GAP43: variants seen among roughly 807,000 people sequenced by gnomAD.
GAP43 encodes neuromodulin.
In GAP43, 6 loss-of-function variants were observed where a neutral mutation model predicts 18.6. That is an observed-to-expected ratio of 0.32 (90% CI 0.18 to 0.64). GAP43 has a LOEUF of 0.64. Among genes scored for constraint, GAP43 ranks in the 30% least tolerant of loss-of-function variants. The pLI, the probability that GAP43 is intolerant of heterozygous loss-of-function variation, is 0.78. For missense variants in GAP43, 292 were observed against 295.5 expected (o/e 0.99, Z 0.09); for synonymous variants, 115 against 111.4 (o/e 1.03, Z -0.20).
At chr3:115,693,080 A>C (rs1257510367) in intron 2 of GAP43, among the ~76,000 whole-genome samples, 1 of 152,054 alleles carries the variant, frequency 6.6e-6, no homozygotes, top group Non-Finnish European at 1.5e-5. Context: ...ACAGAATTAC[A>C]CTGGTGCCCT....
chr3:115,714,232 A>G (rs990901973), intron 2 of GAP43, among the ~76,000 whole-genome samples: 1 of 152,216 alleles, frequency 6.6e-6, no homozygotes, highest in African/African-American at 2.4e-5. Context: ...TCCTTGAGCT[A>G]TCATGCATCA....
chr3:115,675,994 C>T lies in GAP43; in HGVS notation c.31-19C>T. ...AATGTCATTGAAGCCCTCTCTTTTCCCTTCTTTTCTCGACAAAGGTTGAAA... is the reference window on the plus strand; with the variant it reads ...AATGTCATTGAAGCCCTCTCTTTTCTCTTCTTTTCTCGACAAAGGTTGAAA... On this transcript the variant is annotated intron_variant, in intron 1 of 2. Transcript: ENST00000305124. The T allele has an allele frequency of 6.3e-7, 1 of 1,578,058 alleles. No homozygotes were observed. Among genetic ancestry groups the T allele is most frequent in the Admixed American group, 1.9e-5 (1 of 53,448 alleles).
In GAP43 at chr3:115,698,089, T is replaced by TA. The variant is rs1194346399; in HGVS notation, c.628+21480dup. Among the ~76,000 whole-genome samples, 98 of 58,714 alleles carry TA rather than the reference T, an allele frequency of 1.7e-3. 1 individual carries two copies. The highest frequency in any genetic ancestry group is 7.2e-3 in the African/African-American group (95 of 13,206). The allele number at this position is 58,714 out of a possible 152,430, so 38.5% of individuals were successfully genotyped here. ...TATTATATATAATATATAAAATATG[T>TA]ATTATATATAATATATAAAATATAT... On this transcript the variant is annotated intron_variant, in intron 2 of 2. Coordinates refer to ENST00000305124, the MANE Select transcript of GAP43 (RefSeq NM_002045.4).
intron 1 of GAP43, among the ~76,000 whole-genome samples, chr3:115,638,075 G>C (rs1361564071): frequency 1.3e-5 from 2 of 151,948 alleles, no homozygotes; most frequent in Non-Finnish European, 2.9e-5. Context: ...CTCTAACCCA[G>C]CCATTTTTCA....
intron 1 of GAP43, among the ~76,000 whole-genome samples, chr3:115,655,047 A>G (rs1708563043): frequency 6.6e-6 from 1 of 152,196 alleles, no homozygotes; most frequent in Admixed American, 6.5e-5. Context: ...GTAGTAATAA[A>G]TCTTTGATTA....
chr3:115,634,717 C>T (rs1405072795), intron 1 of GAP43, among the ~76,000 whole-genome samples: 2 of 152,064 alleles, frequency 1.3e-5, no homozygotes, highest in Non-Finnish European at 2.9e-5. Flanking sequence ...CTGCAGTGAG[C>T]TCTGATCACA....
intron 1 of GAP43, among the ~76,000 whole-genome samples, chr3:115,652,179 A>C (rs1368717896): frequency 6.6e-6 from 1 of 152,016 alleles, no homozygotes; most frequent in Non-Finnish European, 1.5e-5. Flanking sequence ...TTTCCCTTTG[A>C]ATTCTCCACA....
chr3:115,686,327 G>T (rs1296125410), intron 2 of GAP43, among the ~76,000 whole-genome samples: 1 of 152,208 alleles, frequency 6.6e-6, no homozygotes, highest in Non-Finnish European at 1.5e-5. Flanking sequence ...GATGCCATGA[G>T]AAGTACTTTC....
At chr3:115,670,990 G>A (rs925978614) in intron 1 of GAP43, among the ~76,000 whole-genome samples, 4 of 152,134 alleles carry the variant, frequency 2.6e-5, no homozygotes, top group African/African-American at 7.2e-5. Flanking sequence ...AAAAATTTAA[G>A]TATTATAATG....
At chr3:115,657,055 C>T (rs1450255924) in intron 1 of GAP43, among the ~76,000 whole-genome samples, 2 of 152,154 alleles carry the variant, frequency 1.3e-5, no homozygotes, top group African/African-American at 4.8e-5. Flanking sequence ...TATAGCAAAA[C>T]TCTTTTGTAT....
intron 2 of GAP43, among the ~76,000 whole-genome samples, chr3:115,715,200 G>T (rs1709489134): frequency 6.6e-6 from 1 of 152,106 alleles, no homozygotes; most frequent in African/African-American, 2.4e-5. Context: ...ATAATACTGT[G>T]ACTCATTTTT....
chr3:115,649,822 AAAAG>A (rs200417871), intron 1 of GAP43, among the ~76,000 whole-genome samples: 7 of 137,264 alleles, frequency 5.1e-5, no homozygotes, highest in African/African-American at 8.0e-5. Context: ...AAAAAAAAAA[AAAAG>A]AAAGAAAGAA....
intron 2 of GAP43, among the ~76,000 whole-genome samples, chr3:115,700,553 A>C (rs1420056453): frequency 1.3e-5 from 2 of 152,150 alleles, no homozygotes; most frequent in African/African-American, 4.8e-5. Context: ...CCTTTGCTCA[A>C]CTATATGTGT....
chr3:115,670,173 A>G (rs1708799474), intron 1 of GAP43, among the ~76,000 whole-genome samples: 1 of 99,076 alleles, frequency 1.0e-5, no homozygotes, highest in Non-Finnish European at 1.9e-5. Flanking sequence ...CAGTCCCCAG[A>G]GTGTGATATT....
At chr3:115,626,574 T>C (rs747108342) in intron 1 of GAP43, among the ~76,000 whole-genome samples, 9 of 152,166 alleles carry the variant, frequency 5.9e-5, no homozygotes, top group African/African-American at 1.2e-4. Flanking sequence ...TTTTCAAATA[T>C]CTTGGGGCTT....
intron 2 of GAP43, among the ~76,000 whole-genome samples, chr3:115,708,742 G>A (rs541297420): frequency 6.6e-6 from 1 of 152,218 alleles, no homozygotes; most frequent in South Asian, 2.1e-4. Flanking sequence ...TACCCAAGTG[G>A]CAGGTGGGGC....
intron 1 of GAP43, among the ~76,000 whole-genome samples, chr3:115,640,759 G>A (rs150230351): frequency 6.6e-6 from 1 of 151,994 alleles, no homozygotes; most frequent in Non-Finnish European, 1.5e-5. Flanking sequence ...AAGAGGTCAG[G>A]TCTATGTTGG....
At chr3:115,636,658 C>A (rs1286689906) in intron 1 of GAP43, among the ~76,000 whole-genome samples, 1 of 152,044 alleles carries the variant, frequency 6.6e-6, no homozygotes, top group Non-Finnish European at 1.5e-5. Context: ...TACGTTTAAT[C>A]CCCCCTTTCC....
chr3:115,632,285 G>A (rs1170546625), intron 1 of GAP43, among the ~76,000 whole-genome samples: 1 of 151,966 alleles, frequency 6.6e-6, no homozygotes, highest in Non-Finnish European at 1.5e-5. Context: ...GGGCTGGTTG[G>A]GAGACTGAAA....
Sources: allele counts gnomAD v4.1 joint callset (sites outside exome capture counted in the v4.1 genomes callset), GRCh38; gene constraint gnomAD v4.1.1; transcripts MANE v1.5; gene names NCBI Gene and HGNC (gene_info 2026-07-23, HGNC 2026-07-21).